SBNO1: variants seen among roughly 807,000 people sequenced by gnomAD.
SBNO1 encodes strawberry notch homolog 1, also known as protein strawberry notch homolog 1.
In SBNO1, 23 loss-of-function variants were observed where a neutral mutation model predicts 173.6. That is an observed-to-expected ratio of 0.13 (90% CI 0.10 to 0.19). SBNO1 has a LOEUF of 0.19. Among genes scored for constraint, SBNO1 ranks in the 10% least tolerant of loss-of-function variants. The pLI is 1.00. For synonymous variants in SBNO1, 632 were observed against 571.5 expected (o/e 1.11, Z -1.51); for missense variants, 1,238 against 1,671.2 (o/e 0.74, Z 4.52).
intron 4 of SBNO1, among the ~76,000 whole-genome samples, chr12:123,344,744 G>A (rs1018559999): frequency 6.6e-6 from 1 of 152,126 alleles, no homozygotes; most frequent in African/African-American, 2.4e-5. Flanking sequence ...AGCTACTCGG[G>A]AGGCTGAGGC....
intron 4 of SBNO1, among the ~76,000 whole-genome samples, chr12:123,344,009 C>G (rs11057282): frequency 6.6e-6 from 1 of 152,120 alleles, no homozygotes; most frequent in African/African-American, 2.4e-5. Context: ...AAATCTATCC[C>G]GTTTTCTGTT....
intron 24 of SBNO1, among the ~76,000 whole-genome samples, chr12:123,311,708 C>CTATA (rs1287595744): frequency 1.6e-5 from 1 of 62,312 alleles, no homozygotes; most frequent in Admixed American, 1.6e-4. Flanking sequence ...ATCTATCTAT[C>CTATA]TATCTATCTA....
intron 15 of SBNO1, among the ~76,000 whole-genome samples, chr12:123,325,042 C>T (rs762542104): frequency 6.6e-6 from 1 of 152,098 alleles, no homozygotes; most frequent in Non-Finnish European, 1.5e-5. Flanking sequence ...AACTACTGAC[C>T]TCAAGTGATG....
intron 1 of SBNO1, among the ~76,000 whole-genome samples, chr12:123,355,372 G>A (rs954643447): frequency 1.3e-5 from 2 of 152,036 alleles, no homozygotes; most frequent in African/African-American, 4.8e-5. Context: ...AAAAAACGCT[G>A]GGCACGGTGG....
chr12:123,327,846 G>GA (rs1566038524), intron 11 of SBNO1, 34 bp from the exon 12 acceptor site: 1 of 1,596,912 alleles, frequency 6.3e-7, no homozygotes, highest in Non-Finnish European at 8.6e-7. Flanking sequence ...TATTATAGTT[G>GA]AAAAAATAAC....
chr12:123,347,906 A>G (rs1401965601), intron 3 of SBNO1, 123 bp downstream of exon 3: 3 of 499,110 alleles, frequency 6.0e-6, no homozygotes, highest in African/African-American at 3.9e-5. Flanking sequence ...GGCTCAAGCA[A>G]TCCTCCTACC....
intron 5 of SBNO1, among the ~76,000 whole-genome samples, chr12:123,339,407 C>T (rs891940627): frequency 6.6e-6 from 1 of 152,044 alleles, no homozygotes; most frequent in Admixed American, 6.6e-5. Flanking sequence ...CTTCCCTACC[C>T]CTTTACTCAG....
chr12:123,296,854 C>T (rs1195097913), intron 31 of SBNO1, among the ~76,000 whole-genome samples: 4 of 149,950 alleles, frequency 2.7e-5, no homozygotes, highest in South Asian at 2.1e-4. Flanking sequence ...CCACCGTGCC[C>T]GGCCCTATTT....
At chr12:123,302,647 T>G (rs1316342312) in intron 30 of SBNO1, among the ~76,000 whole-genome samples, 177 bp downstream of exon 30, 1 of 152,162 alleles carries the variant, frequency 6.6e-6, no homozygotes, top group Non-Finnish European at 1.5e-5. Flanking sequence ...AGGAGGTACA[T>G]AAACTAAACA....
At chr12:123,319,809 CTTATA>C (rs1310348280) in intron 20 of SBNO1, 86 bp downstream of exon 20, 6 of 1,101,826 alleles carry the variant, frequency 5.4e-6, no homozygotes, top group South Asian at 4.4e-5. Flanking sequence ...ATGGACATGA[CTTATA>C]TTAAAAGGAA....
chr12:123,361,693 C>A (rs1875199611), intron 1 of SBNO1, among the ~76,000 whole-genome samples: 1 of 148,324 alleles, frequency 6.7e-6, no homozygotes, highest in Non-Finnish European at 1.5e-5. Context: ...CAGATCACCC[C>A]ACTGCACTCC....
At chr12:123,303,911 A>C (rs547475677) in intron 29 of SBNO1, among the ~76,000 whole-genome samples, 38 of 147,766 alleles carry the variant, frequency 2.6e-4, no homozygotes, top group African/African-American at 9.0e-4. Context: ...ATATATTATA[A>C]AATAAGTATT....
rs760924553 is a variant in SBNO1 at position 123,315,409 on chromosome 12, T to C, written c.3084A>G (p.Glu1028=). ...AGTTGAACCTGCTCAGATCTCTAGA[T>C]TCTGTTGCCCTTCTATCACCATGTG... The part of the protein sequence containing the change: ...ALTHGDRRAT[E]SRDLSRFNFD... The change falls in exon 23 of 32, where the codon GAA becomes GAG. Residue 1028 remains glutamate (E), a synonymous_variant. Coordinates refer to ENST00000602398, the MANE Select transcript of SBNO1 (RefSeq NM_001167856.3). The C allele has an allele frequency of 6.2e-7, 1 of 1,613,362 alleles. No homozygotes were observed. The highest frequency in any genetic ancestry group is 8.5e-7 in the Non-Finnish European group (1 of 1,179,392).
chr12:123,361,352 C>T, intron 1 of SBNO1, among the ~76,000 whole-genome samples: 1 of 151,892 alleles, frequency 6.6e-6, no homozygotes, highest in Admixed American at 6.6e-5. Flanking sequence ...AGTTCAAGAA[C>T]AGCCTGATCA....
At chr12:123,334,000 G>T in intron 7 of SBNO1, 53 bp downstream of exon 7, 2 of 1,205,394 alleles carry the variant, frequency 1.7e-6, no homozygotes, top group Non-Finnish European at 2.3e-6. Context: ...AAACAACTCT[G>T]TTATATAGAA....
At chr12:123,346,559 G>T (rs1873168878) in intron 3 of SBNO1, among the ~76,000 whole-genome samples, 1 of 152,068 alleles carries the variant, frequency 6.6e-6, no homozygotes, top group Admixed American at 6.6e-5. Context: ...AGCTACTCGG[G>T]AGGCTGAGGC....
chr12:123,321,795 C>T (rs1405736405), intron 16 of SBNO1, 63 bp from the exon 17 acceptor site: 1 of 1,271,158 alleles, frequency 7.9e-7, no homozygotes, highest in Non-Finnish European at 1.1e-6. Flanking sequence ...TCCAGTACAT[C>T]ACATTTAGTT....
At chr12:123,336,892 T>C (rs1444898767) in intron 5 of SBNO1, among the ~76,000 whole-genome samples, 2 of 151,984 alleles carry the variant, frequency 1.3e-5, no homozygotes, top group Non-Finnish European at 2.9e-5. Flanking sequence ...AAAACTGGAG[T>C]GAACCCTAGC....
intron 30 of SBNO1, among the ~76,000 whole-genome samples, chr12:123,302,303 C>T (rs1463359199): frequency 2.7e-5 from 4 of 147,474 alleles, no homozygotes; most frequent in Non-Finnish European, 5.9e-5. Flanking sequence ...AGTGCAATGG[C>T]GCAATTTTGA....
Sources: allele counts gnomAD v4.1 joint callset (sites outside exome capture counted in the v4.1 genomes callset), GRCh38; gene constraint gnomAD v4.1.1; transcripts MANE v1.5; gene names NCBI Gene and HGNC (gene_info 2026-07-23, HGNC 2026-07-21).